The following PALLD variants were observed in gnomAD, a reference collection of about 807,000 sequenced individuals.
PALLD encodes palladin, cytoskeletal associated protein, also known as palladin.
A neutral mutation model predicts 123.5 loss-of-function variants in PALLD; 61 were observed. The ratio of observed to expected loss-of-function variants is 0.49; its 90% CI spans 0.40 to 0.61. PALLD has a LOEUF of 0.61. PALLD is among the 20% of genes least tolerant of loss of function. PALLD has a pLI of 0.00. For synonymous variants in PALLD, 465 were observed against 496.4 expected (o/e 0.94, Z 0.84); for missense variants, 1,273 against 1,377.0 (o/e 0.92, Z 1.20).
At chr4:168,831,311 A>G (rs1744167425) in intron 10 of PALLD, among the ~76,000 whole-genome samples, 1 of 150,442 alleles carries the variant, frequency 6.6e-6, no homozygotes, top group Non-Finnish European at 1.5e-5. Context: ...GAGCGTTAAA[A>G]TAAGTGACTC....
intron 2 of PALLD, among the ~76,000 whole-genome samples, chr4:168,522,979 A>G (rs1038280096): frequency 2.0e-5 from 3 of 152,198 alleles, no homozygotes; most frequent in Non-Finnish European, 2.9e-5. Flanking sequence ...CTAGTTCCAT[A>G]TAACAGTGCA....
intron 10 of PALLD, among the ~76,000 whole-genome samples, chr4:168,722,049 A>T (rs1240859970): frequency 6.6e-6 from 1 of 152,044 alleles, no homozygotes; most frequent in East Asian, 1.9e-4. Flanking sequence ...GTATATATGT[A>T]TGTATGTATT....
intron 10 of PALLD, among the ~76,000 whole-genome samples, chr4:168,836,680 C>T (rs12512055): frequency 0.47 from 71,855 of 152,008 alleles, 18,809 homozygotes; most frequent in African/African-American, 0.7. Flanking sequence ...TTAAGCTTGG[C>T]GTTGACGTCT....
chr4:168,791,253 C>G (rs1737482331), intron 10 of PALLD, among the ~76,000 whole-genome samples: 1 of 152,186 alleles, frequency 6.6e-6, no homozygotes, highest in Non-Finnish European at 1.5e-5. Flanking sequence ...AGTCCTTTCT[C>G]CAAAATGATC....
chr4:168,783,383 C>T (rs528196479), intron 10 of PALLD, among the ~76,000 whole-genome samples: 10 of 152,100 alleles, frequency 6.6e-5, no homozygotes, highest in Non-Finnish European at 8.8e-5. Flanking sequence ...TGCACTGGGA[C>T]AGTTTGGTCT....
chr4:168,916,989 T>TA, intron 17 of PALLD, among the ~76,000 whole-genome samples: 1 of 151,176 alleles, frequency 6.6e-6, no homozygotes, highest in East Asian at 2.0e-4. Context: ...AATTCTAAGA[T>TA]AAGTTAGAGG....
intron 10 of PALLD, among the ~76,000 whole-genome samples, chr4:168,831,467 A>G (rs1173292007): frequency 6.6e-6 from 1 of 152,206 alleles, no homozygotes; most frequent in Non-Finnish European, 1.5e-5. Context: ...CCAGTAAACT[A>G]ATTAATGGAA....
At chr4:168,784,090 T>TA (rs1218658775) in intron 10 of PALLD, among the ~76,000 whole-genome samples, 2 of 151,882 alleles carry the variant, frequency 1.3e-5, no homozygotes, top group African/African-American at 4.8e-5. Flanking sequence ...TACAGAATAT[T>TA]AAAAAAAATT....
At chr4:168,523,183 A>G (rs1374891515) in intron 2 of PALLD, among the ~76,000 whole-genome samples, 1 of 145,522 alleles carries the variant, frequency 6.9e-6, no homozygotes, top group Non-Finnish European at 1.5e-5. Context: ...ATGAATTTCC[A>G]AGTAATGGAG....
chr4:168,502,562 C>T (rs1456825301), intron 1 of PALLD, among the ~76,000 whole-genome samples: 2 of 152,070 alleles, frequency 1.3e-5, no homozygotes, highest in African/African-American at 2.4e-5. Flanking sequence ...GCCCGGGACA[C>T]AAGCAACAGT....
intron 1 of PALLD, among the ~76,000 whole-genome samples, chr4:168,508,416 A>C (rs555969146): frequency 2.6e-5 from 4 of 152,348 alleles, no homozygotes; most frequent in Middle Eastern, 3.4e-3. Context: ...GCGCACTACC[A>C]GGCATGTGGT....
At chr4:168,512,553 A>G (rs1179016669) in intron 2 of PALLD, 141 bp downstream of exon 2, 2 of 797,570 alleles carry the variant, frequency 2.5e-6, no homozygotes, top group Non-Finnish European at 4.2e-6. Flanking sequence ...GCAGCCCAGA[A>G]TCGCCACTAT....
rs187972814 is a variant in PALLD, at chr4:168,509,508, G to T, written c.-82-1915G>T. Reference sequence around the variant, plus strand: ...TATTAAAAATACACTGAATATAATTGTTCCTCATATACGAGCCATATCTGA... The same window carrying T: ...TATTAAAAATACACTGAATATAATTTTTCCTCATATACGAGCCATATCTGA... On this transcript the variant is annotated intron_variant, in intron 1 of 21. Coordinates refer to ENST00000505667, the MANE Select transcript of PALLD (RefSeq NM_001166108.2). Among the ~76,000 whole-genome samples, 59 of 152,180 alleles carry T rather than the reference G, an allele frequency of 3.9e-4. 1 individual carries two copies. The East Asian group carries it at 0.011, about 28-fold the overall frequency.
At chr4:168,909,393 C>T (rs1758447366) in intron 15 of PALLD, among the ~76,000 whole-genome samples, 1 of 152,048 alleles carries the variant, frequency 6.6e-6, no homozygotes, top group Admixed American at 6.6e-5. Context: ...TGGCCTTGCA[C>T]AAGGTATGAA....
chr4:168,787,506 C>A (rs1388065028), intron 10 of PALLD, among the ~76,000 whole-genome samples: 1 of 152,200 alleles, frequency 6.6e-6, no homozygotes, highest in Non-Finnish European at 1.5e-5. Context: ...CCACATGTGG[C>A]TATTTAAATT....
chr4:168,706,117 A>T (rs553799128), intron 8 of PALLD, among the ~76,000 whole-genome samples: 1 of 152,270 alleles, frequency 6.6e-6, no homozygotes, highest in South Asian at 2.1e-4. Context: ...GAACGTTTTC[A>T]TCTTGCATGA....
chr4:168,715,949 CA>C (rs529258599), intron 10 of PALLD, among the ~76,000 whole-genome samples: 1,934 of 140,438 alleles, frequency 0.014, 32 homozygotes, highest in African/African-American at 0.046. Flanking sequence ...CACTCCATCT[CA>C]AAAAAAAAAA....
At chr4:168,766,352 A>G (rs1242274630) in intron 10 of PALLD, among the ~76,000 whole-genome samples, 5 of 152,352 alleles carry the variant, frequency 3.3e-5, no homozygotes, top group East Asian at 3.9e-4. Context: ...TTAAAAAATA[A>G]TAAGTTCCTA....
At chr4:168,909,748 C>G (rs1160907560) in intron 15 of PALLD, among the ~76,000 whole-genome samples, 1 of 152,138 alleles carries the variant, frequency 6.6e-6, no homozygotes, top group Non-Finnish European at 1.5e-5. Flanking sequence ...ATTAAAATCA[C>G]TTATTGCTAA....
Sources: gnomAD v4.1 joint callset for allele counts (sites outside exome capture counted in the v4.1 genomes callset) on GRCh38, gnomAD v4.1.1 for gene constraint, MANE v1.5 for transcripts, NCBI Gene and HGNC (gene_info 2026-07-23, HGNC 2026-07-21) for gene names.